DMD: variants seen among roughly 807,000 people sequenced by gnomAD.
DMD encodes the protein mutant dystrophin.
Under a neutral mutation model 330.1 loss-of-function variants are expected in DMD, and 63 were observed. That is an observed-to-expected ratio of 0.19 (90% CI 0.16 to 0.24). The LOEUF is 0.24. DMD is among the 10% of genes least tolerant of loss of function. The pLI, the probability that DMD is intolerant of heterozygous loss-of-function variation, is 1.00. For synonymous variants in DMD, 1,223 were observed against 959.8 expected (o/e 1.27, Z -5.07); for missense variants, 3,344 against 2,684.1 (o/e 1.25, Z -5.43).
chrX:31,120,652 A>ACAAT lies in DMD; in HGVS notation c.*1263_*1266dup, dbSNP rs1398756111. 2.0e-4 allele frequency: 22 copies of ACAAT among 111,869 alleles called. No individual in the cohort carries two copies. The highest frequency in any genetic ancestry group is 3.9e-4 in the African/African-American group (12 of 30,854). 9.2% of individuals were successfully genotyped at this position (111,869 alleles called of 1,213,427 possible). A position where few individuals can be genotyped will look rare whatever the true frequency, so the allele number is the denominator to read the frequency against. On this transcript the variant is annotated 3_prime_UTR_variant, in exon 79 of 79. Coordinates refer to ENST00000357033, the MANE Select transcript of DMD (RefSeq NM_004006.3). ...TTACAGAGAACTTTATGTATTATGA[A>ACAAT]CAATCATCCAATCCTTCACTTAAAG...
At chrX:32,779,889 A>G in intron 7 of DMD, among the ~76,000 whole-genome samples, 1 of 112,019 alleles carries the variant, frequency 8.9e-6, no homozygotes. Context: ...GAAAAATTTT[A>G]AAGATTACTA....
intron 55 of DMD, among the ~76,000 whole-genome samples, chrX:31,552,984 G>C (rs2074580665): frequency 9.0e-6 from 1 of 111,645 alleles, no homozygotes. Flanking sequence ...GAAGTCTCCT[G>C]AAAATCTGAA....
chrX:32,024,486 CAAAAAAA>C (rs71872956), intron 44 of DMD, among the ~76,000 whole-genome samples: 2 of 61,624 alleles, frequency 3.2e-5, no homozygotes, highest in African/African-American at 1.4e-4. Context: ...AACTCCCTCT[CAAAAAAA>C]AAAAAAAAAA....
chrX:33,215,425 T>C (rs1047454000), upstream of DMD, among the ~76,000 whole-genome samples: 4 of 111,829 alleles, frequency 3.6e-5, no homozygotes, highest in African/African-American at 1.3e-4. Flanking sequence ...TTCTGGATAC[T>C]AGGCCTTTGT....
rs184941378 is a variant in DMD, at chrX:31,331,942, G to A, written c.9164-8284C>T. On this transcript the variant is annotated intron_variant, in intron 61 of 78. Transcript: ENST00000357033. ...GTACATCCATTAGAAAGCGAGAAGA[G>A]TGAGAAAGAACTAGCAATTAACGCA... 2.3e-3 allele frequency among the ~76,000 whole-genome samples: 257 copies of A among 112,297 alleles called. 2 individuals carry two copies. Among genetic ancestry groups the A allele is most frequent in the African/African-American group, 7.9e-3 (246 of 30,947 alleles).
intron 47 of DMD, among the ~76,000 whole-genome samples, chrX:31,886,263 A>C (rs748520976): frequency 9.0e-6 from 1 of 111,568 alleles, no homozygotes; most frequent in Non-Finnish European, 1.9e-5. Context: ...ACATGTAAAA[A>C]AATTGAACTA....
At chrX:33,033,554 C>CAA (rs775790760) in intron 1 of DMD, among the ~76,000 whole-genome samples, 2,076 of 74,501 alleles carry the variant, frequency 0.028, 69 homozygotes, top group Non-Finnish European at 0.041. Context: ...ACTAAAAATA[C>CAA]AAAAAAAAAA....
intron 2 of DMD, among the ~76,000 whole-genome samples, chrX:32,961,014 AAAATTGTATATGTT>A (rs1199814884): frequency 6.7e-4 from 74 of 110,749 alleles, no homozygotes; most frequent in African/African-American, 2.3e-3. Flanking sequence ...TTTCCCTTGT[AAAATTGTATATGTT>A]AATTATACAA....
chrX:32,085,206 A>G (rs1210372554), intron 44 of DMD, among the ~76,000 whole-genome samples: 1 of 111,436 alleles, frequency 9.0e-6, no homozygotes, highest in Non-Finnish European at 1.9e-5. Flanking sequence ...GCTTATTTTA[A>G]GTGTAAGTTA....
At chrX:31,422,130 C>T (rs1372619289) in intron 60 of DMD, among the ~76,000 whole-genome samples, 1 of 105,444 alleles carries the variant, frequency 9.5e-6, no homozygotes, top group Non-Finnish European at 1.9e-5. Flanking sequence ...CTCAGCCTCC[C>T]GAGTAGCTGG....
intron 2 of DMD, among the ~76,000 whole-genome samples, chrX:32,903,766 T>C (rs2086508035): frequency 8.9e-6 from 1 of 111,878 alleles, no homozygotes; most frequent in African/African-American, 3.2e-5. Context: ...CATTATAATA[T>C]AGGAAAGAAG....
Position 33,313,676 on chromosome X carries a change from TAA to T in DMD, c.7+25581_7+25582del, listed in dbSNP as rs201536253. ...GTCTTCTTGTTAAGCGAAGTGGATG[TAA>T]AAAAAAAAAAAATGCAAAGGAATGT... On this transcript the variant is annotated intron_variant, in intron 1 of 17. Transcript: ENST00000288447. 8.3e-3 allele frequency among the ~76,000 whole-genome samples: 818 copies of T among 99,130 alleles called. 6 individuals carry two copies. Among genetic ancestry groups the T allele is most frequent in the African/African-American group, 0.027 (725 of 27,302 alleles). The allele number at this position is 99,130 out of a possible 115,157, so 86.1% of individuals were successfully genotyped here.
intron 2 of DMD, among the ~76,000 whole-genome samples, chrX:32,864,195 C>T (rs2149100715): frequency 8.9e-6 from 1 of 112,264 alleles, no homozygotes; most frequent in Non-Finnish European, 1.9e-5. Context: ...TATGTCAGCG[C>T]TACTTCTGTG....
chrX:31,376,900 T>G (rs1019196386), intron 60 of DMD, among the ~76,000 whole-genome samples: 2 of 111,874 alleles, frequency 1.8e-5, no homozygotes, highest in African/African-American at 6.5e-5. Context: ...CTTGGTCCCC[T>G]GGAAAGCCCT....
At chrX:32,146,680 A>G (rs751463972) in intron 44 of DMD, among the ~76,000 whole-genome samples, 68 of 112,259 alleles carry the variant, frequency 6.1e-4, no homozygotes, top group African/African-American at 2.1e-3. Flanking sequence ...ATATTTCTAT[A>G]CAGTTTTTAA....
At position 32,473,561 on chromosome X, in the gene DMD, G is replaced by A. The variant is rs777812302; in HGVS notation, c.2804-1252C>T. On this transcript the variant is annotated intron_variant, in intron 21 of 78. Transcript: ENST00000357033. ...TACCAATTCCTTCTACACTAAATGAGAAGAATATAGGAAAGTATTTTGCAT... is the reference window on the plus strand; with the variant it reads ...TACCAATTCCTTCTACACTAAATGAAAAGAATATAGGAAAGTATTTTGCAT... Among the ~76,000 whole-genome samples the A allele has an allele frequency of 1.1e-4, 12 of 111,596 alleles. No homozygotes were observed. In the South Asian group the frequency reaches 4.5e-3, roughly 42 times the overall value.
chrX:32,828,613 A>ACATCTATACACATATATACATATGTATG (rs2078924671), intron 4 of DMD, among the ~76,000 whole-genome samples: 1 of 110,379 alleles, frequency 9.1e-6, no homozygotes, highest in Admixed American at 9.7e-5. Flanking sequence ...ACATATGTAT[A>ACATCTATACACATATATACATATGTATG]CATCTATACA....
At chrX:33,051,960 T>C (rs1398425803) in intron 1 of DMD, among the ~76,000 whole-genome samples, 2 of 111,254 alleles carry the variant, frequency 1.8e-5, no homozygotes, top group Non-Finnish European at 3.8e-5. Flanking sequence ...AAATATCCTT[T>C]AAATCTAGTG....
chrX:32,926,184 A>G (rs2088991389), intron 2 of DMD, among the ~76,000 whole-genome samples: 1 of 112,180 alleles, frequency 8.9e-6, no homozygotes, highest in African/African-American at 3.2e-5. Flanking sequence ...TGCTAAGTGC[A>G]ATAAGCCAGG....
Sources: gnomAD v4.1 joint callset for allele counts (sites outside exome capture counted in the v4.1 genomes callset) on GRCh38, gnomAD v4.1.1 for gene constraint, MANE v1.5 for transcripts, NCBI Gene and HGNC (gene_info 2026-07-23, HGNC 2026-07-21) for gene names.